Variants in RBFOX2 observed in about 807,000 individuals in gnomAD.
RBFOX2 encodes RNA binding fox-1 homolog 2, also known as RNA binding protein fox-1 homolog 2.
In RBFOX2, 10 loss-of-function variants were observed where a neutral mutation model predicts 49.1. The ratio of observed to expected loss-of-function variants is 0.20; its 90% CI spans 0.13 to 0.35. The LOEUF is 0.35. Ranked by LOEUF, RBFOX2 falls within the 10% of genes least tolerant of loss-of-function variation. The pLI, the probability that RBFOX2 is intolerant of heterozygous loss-of-function variation, is 1.00. For synonymous variants in RBFOX2, 183 were observed against 187.4 expected (o/e 0.98, Z 0.19); for missense variants, 323 against 486.9 (o/e 0.66, Z 3.17).
rs571743171 is a variant in RBFOX2, at chr22:35,873,416, G to A, written c.-33-63412C>T. ...GCTGAGATTACAGGCCACCACACCC[G>A]ACCCTGAATGGGTTGTTTCTTAAGA... is the stretch of plus-strand genomic sequence containing the variant. On this transcript the variant is annotated intron_variant, in intron 1 of 13. Coordinates refer to the RBFOX2 transcript ENST00000359369. Among the ~76,000 whole-genome samples the A allele has an allele frequency of 1.2e-3, 180 of 152,160 alleles. 1 individual carries two copies. The highest frequency in any genetic ancestry group is 4.1e-3 in the African/African-American group (170 of 41,504).
At chr22:35,876,521 T>TA (rs1475007567) in intron 1 of RBFOX2, among the ~76,000 whole-genome samples, 1 of 152,124 alleles carries the variant, frequency 6.6e-6, no homozygotes, top group Admixed American at 6.5e-5. Flanking sequence ...GAAAGACCCT[T>TA]AAAGCCTCAA....
intron 1 of RBFOX2, among the ~76,000 whole-genome samples, chr22:35,911,863 T>A (rs1375306743): frequency 6.6e-6 from 1 of 152,216 alleles, no homozygotes; most frequent in Non-Finnish European, 1.5e-5. Context: ...AAATTTTTAA[T>A]GAACCCTGTT....
chr22:35,961,886 C>G (rs1433699812), upstream of RBFOX2, among the ~76,000 whole-genome samples: 1 of 152,094 alleles, frequency 6.6e-6, no homozygotes, highest in Non-Finnish European at 1.5e-5. Context: ...CAACCCCACC[C>G]AAAAGTGGCT....
intron 1 of RBFOX2, among the ~76,000 whole-genome samples, chr22:35,883,928 T>C (rs2046246048): frequency 1.3e-5 from 2 of 151,980 alleles, no homozygotes; most frequent in African/African-American, 4.8e-5. Flanking sequence ...ACTGCCCAGT[T>C]TCAAAGTCAC....
At chr22:36,019,036 GAAC>G (rs2059148979) in intron 1 of RBFOX2, among the ~76,000 whole-genome samples, 1 of 152,038 alleles carries the variant, frequency 6.6e-6, no homozygotes, top group Non-Finnish European at 1.5e-5. Context: ...GACAAAATGA[GAAC>G]AAAAAGTGCC....
intron 1 of RBFOX2, among the ~76,000 whole-genome samples, chr22:35,950,787 G>C (rs918708000): frequency 6.6e-6 from 1 of 151,904 alleles, no homozygotes; most frequent in Admixed American, 6.6e-5. Flanking sequence ...CTCGGTCCCG[G>C]GGTAGCTGCT....
At chr22:35,976,183 C>G (rs2057138738) in intron 1 of RBFOX2, among the ~76,000 whole-genome samples, 1 of 152,178 alleles carries the variant, frequency 6.6e-6, no homozygotes, top group Non-Finnish European at 1.5e-5. Flanking sequence ...GTTTTCAGCT[C>G]CCTGTTTGAT....
rs1945291844 is a variant in RBFOX2, at chr22:35,782,182, C to CT, written c.253-437dup. On this transcript the variant is annotated intron_variant, in intron 2 of 11. Transcript: ENST00000405409. Reference sequence around the variant, plus strand: ...GTCACTTCATTTTTTGGTCTATGATCTCAGGCTCTCTCAAGGAAATGAAAT... The same window carrying CT: ...GTCACTTCATTTTTTGGTCTATGATCTTCAGGCTCTCTCAAGGAAATGAAAT... 2.0e-5 allele frequency among the ~76,000 whole-genome samples: 3 copies of CT among 152,272 alleles called. No individual in the cohort carries two copies. In the South Asian group the frequency reaches 6.2e-4, roughly 32 times the overall value.
exon 1 of RBFOX2, chr22:36,028,564 G>GGACTCCGCGC: frequency 1.2e-6 from 1 of 810,882 alleles, no homozygotes; most frequent in Non-Finnish European, 1.5e-6. Context: ...GCGCGCGAGC[G>GGACTCCGCGC]GACTCCGCGC....
intron 1 of RBFOX2, among the ~76,000 whole-genome samples, chr22:36,026,851 A>G (rs952394381): frequency 6.6e-6 from 1 of 152,206 alleles, no homozygotes; most frequent in African/African-American, 2.4e-5. Context: ...AGCATACAAC[A>G]AACATGCTAG....
chr22:35,913,282 A>G (rs1205125131), intron 1 of RBFOX2, among the ~76,000 whole-genome samples: 5 of 152,166 alleles, frequency 3.3e-5, no homozygotes, highest in African/African-American at 1.2e-4. Flanking sequence ...GTTCAAGATC[A>G]GCCTGGGCAA....
chr22:35,897,352 C>T (rs1569469971), intron 1 of RBFOX2: 1 of 1,298,536 alleles, frequency 7.7e-7, no homozygotes, highest in Non-Finnish European at 1.1e-6. Flanking sequence ...ACCTCAATGG[C>T]CTTGAGTTCC....
At chr22:35,927,997 A>G (rs1173262038) in intron 1 of RBFOX2, among the ~76,000 whole-genome samples, 1 of 152,184 alleles carries the variant, frequency 6.6e-6, no homozygotes, top group African/African-American at 2.4e-5. Flanking sequence ...AAGCTTCCTT[A>G]TGGCCTCTTT....
upstream of RBFOX2, among the ~76,000 whole-genome samples, chr22:35,842,402 ACT>A (rs1323014664): frequency 1.3e-5 from 2 of 152,170 alleles, no homozygotes; most frequent in African/African-American, 2.4e-5. Flanking sequence ...AATATATAGT[ACT>A]CTCTGAATTT....
chr22:35,961,152 T>TA (rs1004773808), intron 1 of RBFOX2, among the ~76,000 whole-genome samples: 2 of 151,958 alleles, frequency 1.3e-5, no homozygotes, highest in South Asian at 2.1e-4. Flanking sequence ...CCCATCCATA[T>TA]AAAAAAAATA....
chr22:36,013,278 A>C (rs1269607182), intron 1 of RBFOX2, among the ~76,000 whole-genome samples: 1 of 152,136 alleles, frequency 6.6e-6, no homozygotes, highest in Non-Finnish European at 1.5e-5. Flanking sequence ...CTAAAAGAAA[A>C]AGATTGTTCC....
intron 1 of RBFOX2, among the ~76,000 whole-genome samples, chr22:35,948,156 A>C (rs79955730): frequency 1.3e-5 from 2 of 152,202 alleles, no homozygotes; most frequent in Non-Finnish European, 2.9e-5. Context: ...ACAACTGCCT[A>C]AAGTATTCAG....
At chr22:35,814,102 CAG>C (rs1453667572) in intron 1 of RBFOX2, among the ~76,000 whole-genome samples, 1 of 152,162 alleles carries the variant, frequency 6.6e-6, no homozygotes, top group East Asian at 1.9e-4. Context: ...CAGATAGTAA[CAG>C]AGGCGATACA....
intron 1 of RBFOX2, among the ~76,000 whole-genome samples, chr22:35,847,134 G>A (rs1425020383): frequency 6.6e-6 from 1 of 152,118 alleles, no homozygotes; most frequent in Non-Finnish European, 1.5e-5. Context: ...TAAATCACAA[G>A]CAAGCCTGTA....
Sources: gnomAD v4.1 joint callset for allele counts (sites outside exome capture counted in the v4.1 genomes callset) on GRCh38, gnomAD v4.1.1 for gene constraint, MANE v1.5 for transcripts, NCBI Gene and HGNC (gene_info 2026-07-23, HGNC 2026-07-21) for gene names.